The following GPHN variants were observed in gnomAD, a reference collection of about 807,000 sequenced individuals.
GPHN encodes gephyrin.
GPHN carries 17 observed loss-of-function variants against 95.5 expected under a neutral mutation model. That is an observed-to-expected ratio of 0.18 (90% CI 0.12 to 0.27). The LOEUF (loss-of-function observed/expected upper bound fraction) is 0.27, where lower values mean the gene tolerates loss of function less well. Ranked by LOEUF, GPHN falls within the 10% of genes least tolerant of loss-of-function variation. GPHN has a pLI of 1.00. For synonymous variants in GPHN, 320 were observed against 322.5 expected, an observed-to-expected ratio of 0.99 and a Z score of 0.08; for missense variants, 660 against 978.1, an observed-to-expected ratio of 0.67 and a Z score of 4.34.
intron 6 of GPHN, among the ~76,000 whole-genome samples, chr14:66,921,107 G>C (rs527808829): frequency 3.9e-5 from 6 of 152,292 alleles, no homozygotes; most frequent in African/African-American, 1.4e-4. Context: ...CCTCTGGGTA[G>C]ATACCCAGTA....
the GPHN span, among the ~76,000 whole-genome samples, chr14:67,289,180 C>A: frequency 2.0e-5 from 3 of 151,910 alleles, no homozygotes; most frequent in African/African-American, 7.3e-5. Context: ...GTTGGCCAGG[C>A]TGGTCTCAAA....
chr14:66,938,213 C>T (rs1017144880), intron 8 of GPHN, among the ~76,000 whole-genome samples: 3 of 152,014 alleles, frequency 2.0e-5, no homozygotes, highest in Non-Finnish European at 4.4e-5. Flanking sequence ...ACTATACTGT[C>T]AAGAAAAGTT....
chr14:67,522,726 C>T, the GPHN span, among the ~76,000 whole-genome samples: 2 of 152,054 alleles, frequency 1.3e-5, no homozygotes, highest in Non-Finnish European at 1.5e-5. Flanking sequence ...AAAGGTTTCT[C>T]CCATAGGAGC....
chr14:66,959,949 T>A (rs1262623553), intron 8 of GPHN, among the ~76,000 whole-genome samples: 6 of 152,026 alleles, frequency 3.9e-5, no homozygotes, highest in Admixed American at 3.9e-4. Flanking sequence ...TTTCCTTTAT[T>A]TTTTTTCTTT....
chr14:66,546,494 T>G (rs2059603726), intron 1 of GPHN, among the ~76,000 whole-genome samples: 1 of 151,998 alleles, frequency 6.6e-6, no homozygotes, highest in East Asian at 1.9e-4. Context: ...GAGCACTGAG[T>G]GAACCAGACT....
chr14:66,957,877 A>G (rs918655927), intron 8 of GPHN, among the ~76,000 whole-genome samples: 2 of 152,156 alleles, frequency 1.3e-5, no homozygotes, highest in Non-Finnish European at 2.9e-5. Flanking sequence ...TTAGATTCTC[A>G]TAGGAGCATG....
the GPHN span, chr14:67,614,827 A>C: frequency 6.7e-6 from 1 of 149,282 alleles, no homozygotes; most frequent in South Asian, 2.1e-4. Context: ...ATGTCTTCCT[A>C]TTATTTATGT....
At chr14:67,438,659 G>A in the GPHN span, among the ~76,000 whole-genome samples, 2 of 152,050 alleles carry the variant, frequency 1.3e-5, no homozygotes, top group South Asian at 2.1e-4. Context: ...TCAGGAGTTC[G>A]AGACCAGTCT....
intron 1 of GPHN, among the ~76,000 whole-genome samples, chr14:66,664,113 T>C (rs1308224488): frequency 6.6e-6 from 1 of 152,128 alleles, no homozygotes; most frequent in African/African-American, 2.4e-5. Context: ...TGAACTCAGA[T>C]CTGGATTAAA....
At chr14:67,213,410 C>T in the GPHN span, among the ~76,000 whole-genome samples, 5 of 140,470 alleles carry the variant, frequency 3.6e-5, no homozygotes, top group African/African-American at 8.0e-5. Flanking sequence ...TGAGAATATG[C>T]GGTGTTTGGT....
intron 18 of GPHN, among the ~76,000 whole-genome samples, chr14:67,150,256 A>C (rs2081175156): frequency 6.6e-6 from 1 of 151,302 alleles, no homozygotes; most frequent in Non-Finnish European, 1.5e-5. Flanking sequence ...TCCCGGCTAA[A>C]ACGGTGAAAC....
the GPHN span, among the ~76,000 whole-genome samples, chr14:67,308,961 C>T: frequency 6.6e-6 from 1 of 151,994 alleles, no homozygotes; most frequent in African/African-American, 2.4e-5. Flanking sequence ...TACCCTATCC[C>T]CATTTCATCA....
the GPHN span, among the ~76,000 whole-genome samples, chr14:67,303,833 T>C: frequency 6.6e-6 from 1 of 152,136 alleles, no homozygotes; most frequent in East Asian, 1.9e-4. Context: ...AGTGGTGTGA[T>C]CTTGGCTCAC....
In GPHN at chr14:66,692,576, C is replaced by T. The variant is rs182551609; in HGVS notation, c.143+11391C>T. Among the ~76,000 whole-genome samples, 258 of 152,238 alleles carry T rather than the reference C, an allele frequency of 1.7e-3. 1 individual carries two copies. Among genetic ancestry groups the T allele is most frequent in the African/African-American group, 5.9e-3 (246 of 41,546 alleles). ...CAACCAGGAGAGAGAACACAGAAAG[C>T]AAGTGGGGAACACAGATGTCTACCT... On this transcript the variant is annotated intron_variant, in intron 2 of 22. Transcript: ENST00000478722.
chr14:66,631,920 A>G (rs1354426082), intron 1 of GPHN, among the ~76,000 whole-genome samples: 1 of 151,936 alleles, frequency 6.6e-6, no homozygotes, highest in Non-Finnish European at 1.5e-5. Context: ...AAATCTTGCT[A>G]TTGCTTCGAA....
chr14:66,569,864 C>A (rs1388851116), intron 1 of GPHN, among the ~76,000 whole-genome samples: 1 of 151,960 alleles, frequency 6.6e-6, no homozygotes, highest in Non-Finnish European at 1.5e-5. Context: ...ACTATAGTCA[C>A]CATGATATAT....
intron 9 of GPHN, among the ~76,000 whole-genome samples, chr14:66,986,118 C>A (rs530470204): frequency 7.9e-6 from 1 of 126,356 alleles, no homozygotes; most frequent in African/African-American, 4.5e-5. Flanking sequence ...CCCCTTTTAG[C>A]TTTTTTTTGT....
rs987091218 is a variant in GPHN at position 66,520,010 on chromosome 14, T to C, written c.64+11419T>C. ...GCTCTTAACTACTACATGATACTCC[T>C]CTTTGGCATGTCAGAATTATTTCAT... On this transcript the variant is annotated intron_variant, in intron 1 of 22. Transcript: ENST00000478722. 2.0e-5 allele frequency among the ~76,000 whole-genome samples: 3 copies of C among 152,146 alleles called. 1 individual carries two copies. The highest frequency in any genetic ancestry group is 4.1e-4 in the South Asian group (2 of 4,832).
At chr14:66,508,986 CAG>C (rs1039073325) in intron 1 of GPHN, 3 of 281,920 alleles carry the variant, frequency 1.1e-5, no homozygotes, top group Non-Finnish European at 1.4e-5. Context: ...TAGTGCTCTT[CAG>C]AGAGAGGGGG....
Sources: allele counts gnomAD v4.1 joint callset (sites outside exome capture counted in the v4.1 genomes callset), GRCh38; gene constraint gnomAD v4.1.1; transcripts MANE v1.5; gene names NCBI Gene and HGNC (gene_info 2026-07-23, HGNC 2026-07-21).